SIPA1L2: variants seen among roughly 807,000 people sequenced by gnomAD.
SIPA1L2 encodes signal induced proliferation associated 1 like 2.
SIPA1L2 carries 56 observed loss-of-function variants against 163.9 expected under a neutral mutation model. The observed-to-expected ratio is 0.34, with a 90% CI of 0.28 to 0.43. The LOEUF (loss-of-function observed/expected upper bound fraction) is 0.43. SIPA1L2 is among the 20% of genes least tolerant of loss of function. The pLI is 1.00. For missense variants in SIPA1L2, 1,974 were observed against 2,193.5 expected (o/e 0.90, Z 2.00); for synonymous variants, 877 against 865.7 (o/e 1.01, Z -0.23).
chr1:232,405,914 A>T (rs1284437381), intron 19 of SIPA1L2, among the ~76,000 whole-genome samples: 1 of 152,200 alleles, frequency 6.6e-6, no homozygotes, highest in Non-Finnish European at 1.5e-5. Context: ...CAGAAACAGA[A>T]TTTCCTACAG....
intron 1 of SIPA1L2, among the ~76,000 whole-genome samples, chr1:232,625,213 C>T (rs1335310147): frequency 1.3e-5 from 2 of 152,124 alleles, no homozygotes; most frequent in African/African-American, 4.8e-5. Flanking sequence ...TAACTATAAC[C>T]GAGAGTGTGA....
chr1:232,589,116 G>T lies in SIPA1L2; in HGVS notation c.-318-14894C>A, dbSNP rs192462226. Among the ~76,000 whole-genome samples, 141 of 152,284 alleles carry T rather than the reference G, an allele frequency of 9.3e-4. 2 individuals carry two copies. Among genetic ancestry groups the T allele is most frequent in the Non-Finnish European group, 1.6e-3 (112 of 68,018 alleles). On this transcript the variant is annotated intron_variant, in intron 1 of 22. Coordinates refer to ENST00000674635, the MANE Select transcript of SIPA1L2 (RefSeq NM_020808.5). ...TTCCCTCAAGGAAACACAGGGGCAC[G>T]TTTATGGAAAAGAATTTGAGACATA...
At position 232,562,622 on chromosome 1, in the gene SIPA1L2, T is replaced by A. The variant is rs371226489; in HGVS notation, c.-270+11552A>T. 9.8e-5 allele frequency among the ~76,000 whole-genome samples: 15 copies of A among 152,356 alleles called. No individual in the cohort carries two copies. In the East Asian group the frequency reaches 2.1e-3, roughly 22 times the overall value. On this transcript the variant is annotated intron_variant, in intron 2 of 22. Coordinates refer to ENST00000674635, the MANE Select transcript of SIPA1L2 (RefSeq NM_020808.5). ...ATACTTTTTCACCATAATGTACTGATGCGTATTTCCAAGAATGGATTCGAA... is the reference window on the plus strand; with the variant it reads ...ATACTTTTTCACCATAATGTACTGAAGCGTATTTCCAAGAATGGATTCGAA...
chr1:232,546,688 A>G (rs185507584), intron 2 of SIPA1L2, among the ~76,000 whole-genome samples: 33 of 152,360 alleles, frequency 2.2e-4, no homozygotes, highest in Admixed American at 2.0e-3. Flanking sequence ...GGAACTGTGT[A>G]GGACAGTCGG....
chr1:232,493,186 C>T (rs138336396), intron 4 of SIPA1L2, among the ~76,000 whole-genome samples: 3 of 152,196 alleles, frequency 2.0e-5, no homozygotes, highest in Non-Finnish European at 4.4e-5. Flanking sequence ...CTTCACCTTC[C>T]GTCATGATTG....
At chr1:232,440,054 G>A (rs544362074) in intron 14 of SIPA1L2, among the ~76,000 whole-genome samples, 40 of 152,312 alleles carry the variant, frequency 2.6e-4, no homozygotes, top group African/African-American at 9.6e-4. Flanking sequence ...AAAGTACACG[G>A]TAAACACGAA....
intron 7 of SIPA1L2, among the ~76,000 whole-genome samples, chr1:232,474,845 G>C (rs1419563326): frequency 6.6e-6 from 1 of 152,154 alleles, no homozygotes; most frequent in African/African-American, 2.4e-5. Context: ...CAGCACACTT[G>C]GGTGAAAAAT....
Position 232,479,403 on chromosome 1 carries a change from G to A in SIPA1L2, c.2085+224C>T, listed in dbSNP as rs149247248. On this transcript the variant is annotated intron_variant, in intron 7 of 22. Transcript: ENST00000674635. ...AAAAGATTTTGCTTAGCAAGCAATA[G>A]ATCTGAGTGCAGAAGAGTTTCTAAG... is the stretch of plus-strand genomic sequence containing the variant. Among the ~76,000 whole-genome samples, 245 of 152,220 alleles carry A rather than the reference G, an allele frequency of 1.6e-3. 1 individual carries two copies. Among genetic ancestry groups the A allele is most frequent in the African/African-American group, 5.0e-3 (209 of 41,568 alleles).
At chr1:232,438,380 T>A (rs777404367) in intron 15 of SIPA1L2, among the ~76,000 whole-genome samples, 1 of 152,234 alleles carries the variant, frequency 6.6e-6, no homozygotes, top group Non-Finnish European at 1.5e-5. Flanking sequence ...AATAGTTAAA[T>A]TCTGTCCACA....
chr1:232,506,505 G>C (rs990169053), intron 3 of SIPA1L2, among the ~76,000 whole-genome samples: 5 of 152,050 alleles, frequency 3.3e-5, no homozygotes, highest in Admixed American at 1.3e-4. Context: ...TAAAATGGAT[G>C]GACACTTTTA....
chr1:232,462,997 C>A (rs1386932242), intron 9 of SIPA1L2, among the ~76,000 whole-genome samples: 1 of 152,186 alleles, frequency 6.6e-6, no homozygotes, highest in Non-Finnish European at 1.5e-5. Flanking sequence ...AATTATCACA[C>A]GAAAATTGTA....
chr1:232,615,323 C>T (rs1230304920), intron 1 of SIPA1L2, among the ~76,000 whole-genome samples: 1 of 152,218 alleles, frequency 6.6e-6, no homozygotes, highest in East Asian at 1.9e-4. Context: ...TTTCAAGGTG[C>T]TAGCCAGCAG....
At chr1:232,525,770 A>T (rs1558245010) in intron 2 of SIPA1L2, among the ~76,000 whole-genome samples, 1 of 152,112 alleles carries the variant, frequency 6.6e-6, no homozygotes, top group Non-Finnish European at 1.5e-5. Context: ...ACACTTAGAT[A>T]ACTGTTGTGG....
intron 16 of SIPA1L2, among the ~76,000 whole-genome samples, chr1:232,429,758 A>G (rs1662117349): frequency 6.6e-6 from 1 of 152,222 alleles, no homozygotes; most frequent in Non-Finnish European, 1.5e-5. Context: ...AAGGAAAACA[A>G]AACAATATAG....
chr1:232,453,722 C>A (rs1446621006), intron 10 of SIPA1L2, among the ~76,000 whole-genome samples: 2 of 148,512 alleles, frequency 1.3e-5, no homozygotes, highest in East Asian at 4.0e-4. Flanking sequence ...ACTCAAAGTT[C>A]AGGGCTCTTC....
intron 1 of SIPA1L2, among the ~76,000 whole-genome samples, chr1:232,593,163 A>G (rs997768725): frequency 2.0e-5 from 3 of 152,236 alleles, no homozygotes; most frequent in African/African-American, 7.2e-5. Context: ...ACAAAACATC[A>G]CATTTAAGAA....
At chr1:232,598,234 TGTTA>T (rs199898959) in intron 1 of SIPA1L2, among the ~76,000 whole-genome samples, 46,097 of 131,110 alleles carry the variant, frequency 0.35, 7,751 homozygotes, top group East Asian at 0.47. Context: ...AAACCCTGTC[TGTTA>T]AAAAAAAAAA....
intron 2 of SIPA1L2, among the ~76,000 whole-genome samples, chr1:232,567,301 G>T (rs946733401): frequency 1.3e-5 from 2 of 152,202 alleles, no homozygotes; most frequent in African/African-American, 4.8e-5. Flanking sequence ...TTATTCAACA[G>T]AAGAGGAAAT....
intron 1 of SIPA1L2, among the ~76,000 whole-genome samples, chr1:232,584,445 G>A (rs761104537): frequency 2.8e-4 from 43 of 152,290 alleles, no homozygotes; most frequent in Middle Eastern, 3.4e-3. Context: ...GGATGGTCTC[G>A]ATAGAGACCG....
Sources: gnomAD v4.1 joint callset for allele counts (sites outside exome capture counted in the v4.1 genomes callset) on GRCh38, gnomAD v4.1.1 for gene constraint, MANE v1.5 for transcripts, NCBI Gene and HGNC (gene_info 2026-07-23, HGNC 2026-07-21) for gene names.